MDGA2: variants seen among roughly 807,000 people sequenced by gnomAD.
The protein encoded by MDGA2 is MAM domain-containing glycosylphosphatidylinositol anchor protein 2.
MDGA2 carries 40 observed loss-of-function variants against 117.8 expected under a neutral mutation model. That is an observed-to-expected ratio of 0.34 (90% CI 0.26 to 0.44). The LOEUF is 0.44. Among genes scored for constraint, MDGA2 ranks in the 20% least tolerant of loss-of-function variants. The pLI is 1.00. For synonymous variants in MDGA2, 452 were observed against 439.0 expected (o/e 1.03, Z -0.37); for missense variants, 1,123 against 1,250.6 (o/e 0.90, Z 1.54).
At chr14:47,342,010 T>C (rs1458309946) in intron 1 of MDGA2, among the ~76,000 whole-genome samples, 1 of 151,998 alleles carries the variant, frequency 6.6e-6, no homozygotes, top group Non-Finnish European at 1.5e-5. Flanking sequence ...CGGATAATTT[T>C]TGTATTTTTA....
At position 47,590,571 on chromosome 14, in the gene MDGA2, ATTGT is replaced by A. The variant is rs575159679; in HGVS notation, c.280+83942_280+83945del. The stretch of plus-strand genomic sequence containing the variant: ...TTAAAATACCAAGAATATAATATAG[ATTGT>A]TTAAGTCAAGATATCTGATAGCACT... On this transcript the variant is annotated intron_variant, in intron 1 of 16. Transcript: ENST00000399232. 5.8e-3 allele frequency among the ~76,000 whole-genome samples: 887 copies of A among 152,094 alleles called. 9 individuals carry two copies. The highest frequency in any genetic ancestry group is 0.02 in the African/African-American group (825 of 41,552).
intron 1 of MDGA2, among the ~76,000 whole-genome samples, chr14:47,534,866 C>T (rs1895176941): frequency 6.6e-6 from 1 of 152,200 alleles, no homozygotes; most frequent in Admixed American, 6.5e-5. Context: ...AACTCCCAGA[C>T]TATCTGGAGA....
At position 46,936,471 on chromosome 14, in the gene MDGA2, T is replaced by C. The variant is rs1884785414; in HGVS notation, c.2090-16311A>G. On this transcript the variant is annotated intron_variant, in intron 9 of 16. Transcript: ENST00000399232. ...TTTGAATTGTATAAGTAAAATAATA[T>C]GTGAAAAAATACCAACATACAAAAT... Among the ~76,000 whole-genome samples the C allele has an allele frequency of 2.0e-5, 3 of 152,112 alleles. No individual in the cohort carries two copies. In the South Asian group the frequency reaches 6.2e-4, roughly 32 times the overall value.
chr14:47,270,122 T>A (rs1306895893), intron 2 of MDGA2, among the ~76,000 whole-genome samples: 1 of 152,212 alleles, frequency 6.6e-6, no homozygotes, highest in Non-Finnish European at 1.5e-5. Flanking sequence ...CTTAAGATGC[T>A]GTTTGAAGGA....
intron 1 of MDGA2, among the ~76,000 whole-genome samples, chr14:47,624,928 G>C (rs141731298): frequency 5.9e-5 from 9 of 152,222 alleles, no homozygotes; most frequent in African/African-American, 1.9e-4. Context: ...ATTTCTATTA[G>C]TATCATAATT....
chr14:46,957,383 G>A lies in MDGA2; in HGVS notation c.2080C>T (p.Leu694Phe), dbSNP rs767981385. Residue 694 changes from leucine to phenylalanine, a missense_variant, in exon 9 of 17, where the codon CTT (leucine) becomes TTT (phenylalanine). This residue lies in a region of MDGA2 where 890 missense variants were observed against 1,050.3 expected (regional missense o/e 0.85). Coordinates refer to ENST00000399232, the MANE Select transcript of MDGA2 (RefSeq NM_001113498.3). Reference protein sequence around the residue: ...NEAGAGRCSFLVTGKAYAPEF... With the variant: ...NEAGAGRCSFFVTGKAYAPEF... ...ATATCTGGAATCCTACCTGTAACAA[G>A]AAAGCTGCATCTCCCAGCTCCAGCT... The A allele has an allele frequency of 6.2e-7, 1 of 1,612,892 alleles. No homozygotes were observed. The highest frequency in any genetic ancestry group is 1.1e-5 in the South Asian group (1 of 90,942).
chr14:47,200,256 T>C (rs1353083886), intron 3 of MDGA2, among the ~76,000 whole-genome samples: 2 of 151,968 alleles, frequency 1.3e-5, no homozygotes, highest in Middle Eastern at 3.2e-3. Flanking sequence ...CACCACCATA[T>C]ATGGCATTTT....
At chr14:47,133,680 G>A (rs1045647189) in intron 4 of MDGA2, among the ~76,000 whole-genome samples, 2 of 151,860 alleles carry the variant, frequency 1.3e-5, no homozygotes, top group African/African-American at 2.4e-5. Context: ...AGACACATCT[G>A]AACTCAACAT....
chr14:47,566,503 A>C (rs2138811950), intron 1 of MDGA2, among the ~76,000 whole-genome samples: 1 of 152,276 alleles, frequency 6.6e-6, no homozygotes, highest in Middle Eastern at 3.4e-3. Flanking sequence ...GCTCCCTGGC[A>C]CATGTTCCCA....
At chr14:47,087,261 T>C (rs1214334922) in intron 6 of MDGA2, among the ~76,000 whole-genome samples, 4 of 151,850 alleles carry the variant, frequency 2.6e-5, no homozygotes, top group Non-Finnish European at 4.4e-5. Context: ...ACACCTGTAA[T>C]CCCAGCACTT....
chr14:47,066,811 G>A (rs925052454), intron 6 of MDGA2, among the ~76,000 whole-genome samples: 3 of 152,110 alleles, frequency 2.0e-5, no homozygotes, highest in African/African-American at 7.2e-5. Context: ...TCAGAAAATG[G>A]TTAATGAGGT....
chr14:47,151,186 A>T (rs1883149904), intron 3 of MDGA2, among the ~76,000 whole-genome samples: 1 of 152,234 alleles, frequency 6.6e-6, no homozygotes, highest in Admixed American at 6.5e-5. Flanking sequence ...CAGTGGAATG[A>T]GTTCAACTGT....
At chr14:47,151,057 C>T (rs984899361) in intron 3 of MDGA2, among the ~76,000 whole-genome samples, 1 of 152,120 alleles carries the variant, frequency 6.6e-6, no homozygotes, top group Non-Finnish European at 1.5e-5. Context: ...CCTCAGATCA[C>T]CTAGAATGGG....
At chr14:47,348,645 A>G (rs182238366) in intron 1 of MDGA2, among the ~76,000 whole-genome samples, 85 of 152,306 alleles carry the variant, frequency 5.6e-4, no homozygotes, top group South Asian at 1.2e-3. Flanking sequence ...GATGTGACTT[A>G]GAAAGGAACA....
chr14:46,843,095 T>C (rs1033499792), intron 16 of MDGA2, among the ~76,000 whole-genome samples: 6 of 152,116 alleles, frequency 3.9e-5, no homozygotes, highest in Non-Finnish European at 8.8e-5. Flanking sequence ...AGGGGGTGTT[T>C]TCATATTTAA....
chr14:47,343,764 CTTT>C (rs891297214), intron 1 of MDGA2, among the ~76,000 whole-genome samples: 1 of 151,666 alleles, frequency 6.6e-6, no homozygotes, highest in African/African-American at 2.4e-5. Flanking sequence ...TGCTCTAGGC[CTTT>C]TTTTTCTTCT....
intron 2 of MDGA2, among the ~76,000 whole-genome samples, chr14:47,225,043 C>A (rs1886435357): frequency 6.6e-6 from 1 of 152,086 alleles, no homozygotes; most frequent in Admixed American, 6.5e-5. Flanking sequence ...AAAAAAAGAA[C>A]CACAATTTTC....
intron 7 of MDGA2, among the ~76,000 whole-genome samples, chr14:47,036,903 A>G (rs1349652294): frequency 2.6e-5 from 4 of 152,206 alleles, no homozygotes; most frequent in African/African-American, 9.6e-5. Context: ...CACTAATTAC[A>G]TAATGCATAA....
At chr14:47,181,683 A>G (rs1172199338) in intron 3 of MDGA2, among the ~76,000 whole-genome samples, 1 of 152,142 alleles carries the variant, frequency 6.6e-6, no homozygotes, top group Non-Finnish European at 1.5e-5. Flanking sequence ...TATCTTCTCA[A>G]TTATTTTTTT....
Sources: gnomAD v4.1 joint callset for allele counts (sites outside exome capture counted in the v4.1 genomes callset) on GRCh38, gnomAD v4.1.1 for gene constraint, gnomAD v4.1.1 regional missense constraint, MANE v1.5 for transcripts, NCBI Gene and HGNC (gene_info 2026-07-23, HGNC 2026-07-21) for gene names.